The following CLIC5 variants were observed in gnomAD, a reference collection of about 807,000 sequenced individuals.
CLIC5 encodes chloride intracellular channel protein 5.
A neutral mutation model predicts 24.7 loss-of-function variants in CLIC5; 20 were observed. The observed-to-expected ratio is 0.81, with a 90% CI of 0.57 to 1.18. CLIC5 has a LOEUF of 1.18. CLIC5 is among the 50% of genes most tolerant of loss of function. The pLI is 0.00. For missense variants in CLIC5, 341 were observed against 326.1 expected (o/e 1.05, Z -0.35); for synonymous variants, 159 against 135.6 (o/e 1.17, Z -1.20).
the CLIC5 span, among the ~76,000 whole-genome samples, chr6:46,090,664 C>A: frequency 1.3e-5 from 2 of 152,216 alleles, no homozygotes; most frequent in Admixed American, 1.3e-4. Flanking sequence ...ATAGTCAAAT[C>A]AAGCCACTTA....
At chr6:46,067,901 G>A (rs1279990264) in intron 1 of CLIC5, among the ~76,000 whole-genome samples, 2 of 152,106 alleles carry the variant, frequency 1.3e-5, no homozygotes. Flanking sequence ...TTGAAGAGTG[G>A]CCTTAAAAAA....
At chr6:46,000,465 C>A (rs929776988) in intron 1 of CLIC5, among the ~76,000 whole-genome samples, 1 of 152,164 alleles carries the variant, frequency 6.6e-6, no homozygotes, top group Non-Finnish European at 1.5e-5. Context: ...TGGAAGTCAG[C>A]ACCAAACCGA....
At chr6:45,989,225 T>C (rs531640312) in intron 1 of CLIC5, among the ~76,000 whole-genome samples, 1 of 152,214 alleles carries the variant, frequency 6.6e-6, no homozygotes, top group Non-Finnish European at 1.5e-5. Flanking sequence ...GGTGGTGTTT[T>C]AGGAGAACAT....
At chr6:45,978,403 G>A (rs1309485571) in intron 1 of CLIC5, among the ~76,000 whole-genome samples, 3 of 152,116 alleles carry the variant, frequency 2.0e-5, no homozygotes, top group African/African-American at 7.2e-5. Flanking sequence ...AATATATGTG[G>A]GGATTCTTAA....
the CLIC5 span, among the ~76,000 whole-genome samples, chr6:46,104,148 A>G: frequency 6.6e-6 from 1 of 152,036 alleles, no homozygotes; most frequent in African/African-American, 2.4e-5. Flanking sequence ...TGGTATGCAT[A>G]TTCATATTTA....
intron 1 of CLIC5, among the ~76,000 whole-genome samples, chr6:46,051,699 G>A (rs529193102): frequency 4.1e-4 from 63 of 152,172 alleles, no homozygotes; most frequent in African/African-American, 1.3e-3. Flanking sequence ...ATAATTCCTT[G>A]TATTTGTTTA....
chr6:46,074,529 G>A (rs1762714072), intron 1 of CLIC5, among the ~76,000 whole-genome samples: 1 of 152,164 alleles, frequency 6.6e-6, no homozygotes. Flanking sequence ...CATTTTCTGT[G>A]AATAGTGCCC....
At chr6:45,954,364 G>C (rs1003707495) in intron 2 of CLIC5, among the ~76,000 whole-genome samples, 1 of 151,604 alleles carries the variant, frequency 6.6e-6, no homozygotes, top group Admixed American at 6.6e-5. Flanking sequence ...ACAAATTGAT[G>C]TATGCAATGT....
chr6:46,105,029 T>G, the CLIC5 span, among the ~76,000 whole-genome samples: 1 of 152,156 alleles, frequency 6.6e-6, no homozygotes, highest in Non-Finnish European at 1.5e-5. Context: ...AGGCATTTAT[T>G]GGTCCTTTTC....
At chr6:46,040,048 T>C (rs1340256570) in intron 1 of CLIC5, among the ~76,000 whole-genome samples, 1 of 152,218 alleles carries the variant, frequency 6.6e-6, no homozygotes, top group Non-Finnish European at 1.5e-5. Context: ...CATTTTCTAA[T>C]CAGTAGCATA....
upstream of CLIC5, among the ~76,000 whole-genome samples, chr6:46,084,966 T>C (rs1763000270): frequency 6.6e-6 from 1 of 152,136 alleles, no homozygotes; most frequent in African/African-American, 2.4e-5. Context: ...GGAGGCTTTG[T>C]TCGTTTCTTT....
intron 5 of CLIC5, chr6:45,911,505 G>T: frequency 1.5e-6 from 1 of 688,370 alleles, no homozygotes; most frequent in African/African-American, 1.9e-5. Flanking sequence ...AGGAGTGGTG[G>T]CCTGACCAAG....
At chr6:45,939,756 A>T (rs1764066140) in intron 4 of CLIC5, among the ~76,000 whole-genome samples, 1 of 151,522 alleles carries the variant, frequency 6.6e-6, no homozygotes, top group Non-Finnish European at 1.5e-5. Flanking sequence ...TCCTCTTGTC[A>T]TGGCTTCCTG....
chr6:45,978,199 A>G (rs1279922609), intron 1 of CLIC5, among the ~76,000 whole-genome samples: 2 of 152,208 alleles, frequency 1.3e-5, no homozygotes, highest in South Asian at 4.1e-4. Flanking sequence ...TAACTGCTCA[A>G]TAAACAGCAT....
At chr6:46,071,378 A>G (rs1762591062) in intron 1 of CLIC5, among the ~76,000 whole-genome samples, 1 of 152,142 alleles carries the variant, frequency 6.6e-6, no homozygotes, top group South Asian at 2.1e-4. Flanking sequence ...TTTTTCATAT[A>G]AATTTAACAA....
intron 5 of CLIC5, chr6:45,911,724 G>A (rs183162650): frequency 1.0e-6 from 1 of 985,224 alleles, no homozygotes. Flanking sequence ...TATTGATGTT[G>A]GTGTTCCCCT....
chr6:46,093,400 G>A, the CLIC5 span, among the ~76,000 whole-genome samples: 47 of 152,096 alleles, frequency 3.1e-4, no homozygotes, highest in African/African-American at 1.1e-3. Flanking sequence ...GGGATGGGGC[G>A]GGAACTCTGT....
At chr6:46,053,413 T>A (rs151047375) in intron 1 of CLIC5, among the ~76,000 whole-genome samples, 1 of 152,204 alleles carries the variant, frequency 6.6e-6, no homozygotes, top group Non-Finnish European at 1.5e-5. Flanking sequence ...GAGTGAGGAA[T>A]TGAGCCGTGC....
At position 46,045,765 on chromosome 6, in the gene CLIC5, A is replaced by G. The variant is rs549929241; in HGVS notation, c.540+33938T>C. On this transcript the variant is annotated intron_variant, in intron 1 of 5. Coordinates refer to the CLIC5 transcript ENST00000185206. Reference sequence around the variant, plus strand: ...TTATTACAAATTATAAATATTTTTTATTTTTTATATCTTATAAAGTTCCAA... The same window carrying G: ...TTATTACAAATTATAAATATTTTTTGTTTTTTATATCTTATAAAGTTCCAA... 4.3e-4 allele frequency among the ~76,000 whole-genome samples: 66 copies of G among 152,092 alleles called. 1 individual carries two copies. The highest frequency in any genetic ancestry group is 4.1e-4 in the Non-Finnish European group (28 of 68,012).
Sources: allele counts gnomAD v4.1 joint callset (sites outside exome capture counted in the v4.1 genomes callset), GRCh38; gene constraint gnomAD v4.1.1; transcripts MANE v1.5; gene names NCBI Gene and HGNC (gene_info 2026-07-23, HGNC 2026-07-21).